SYNE1: variants seen among roughly 807,000 people sequenced by gnomAD.
SYNE1 encodes the protein spectrin repeat containing nuclear envelope protein 1, also known as nesprin-1.
SYNE1 carries 616 observed loss-of-function variants against 1,111.0 expected under a neutral mutation model. That is an observed-to-expected ratio of 0.55 (90% CI 0.52 to 0.59). The LOEUF (loss-of-function observed/expected upper bound fraction) is 0.59. Among genes scored for constraint, SYNE1 ranks in the 20% least tolerant of loss-of-function variants. SYNE1 has a pLI of 0.00. For synonymous variants in SYNE1, 3,855 were observed against 3,825.8 expected (o/e 1.01, Z -0.28); for missense variants, 10,006 against 10,417.0 (o/e 0.96, Z 1.72).
At chr6:152,300,556 C>A in intron 93 of SYNE1, 85 bp downstream of exon 93, 1 of 1,591,120 alleles carries the variant, frequency 6.3e-7, no homozygotes, top group Non-Finnish European at 8.6e-7. Flanking sequence ...GTCTGAGATT[C>A]ATACCCACGA....
At chr6:152,387,418 T>TG in intron 53 of SYNE1, 37 bp from the exon 54 acceptor site, 5 of 1,600,626 alleles carry the variant, frequency 3.1e-6, no homozygotes, top group Non-Finnish European at 4.3e-6. Flanking sequence ...AAATGAATTA[T>TG]TTTGACATCT....
intron 34 of SYNE1, among the ~76,000 whole-genome samples, chr6:152,430,993 C>T (rs1183360002): frequency 6.6e-6 from 1 of 152,122 alleles, no homozygotes; most frequent in Non-Finnish European, 1.5e-5. Flanking sequence ...CCCTGGGACA[C>T]TTACAGTATC....
intron 133 of SYNE1, among the ~76,000 whole-genome samples, chr6:152,154,163 TAGGTC>T (rs2060928915): frequency 6.6e-6 from 1 of 152,146 alleles, no homozygotes; most frequent in East Asian, 1.9e-4. Context: ...AATTTTGGGC[TAGGTC>T]AGGTCTTCCA....
chr6:152,570,729 C>G (rs2099448792), intron 3 of SYNE1, among the ~76,000 whole-genome samples: 3 of 152,084 alleles, frequency 2.0e-5, no homozygotes, highest in African/African-American at 7.2e-5. Context: ...CAATGGTATC[C>G]CCTTCCTTCT....
Position 152,219,723 on chromosome 6 carries a change from C to T in SYNE1, c.21862-538G>A, listed in dbSNP as rs543167417. Reference sequence around the variant, plus strand: ...CCTCCTATCTCAGTAGGGTACAGAACACAGTGATGATTTTGGTGAGCAGGG... The same window carrying T: ...CCTCCTATCTCAGTAGGGTACAGAATACAGTGATGATTTTGGTGAGCAGGG... On this transcript the variant is annotated intron_variant, in intron 119 of 145. Coordinates refer to ENST00000367255, the MANE Select transcript of SYNE1 (RefSeq NM_182961.4). Among the ~76,000 whole-genome samples, 220 of 152,318 alleles carry T rather than the reference C, an allele frequency of 1.4e-3. 1 individual carries two copies. The highest frequency in any genetic ancestry group is 5.1e-3 in the African/African-American group (214 of 41,574).
intron 11 of SYNE1, among the ~76,000 whole-genome samples, chr6:152,493,996 T>C (rs1294990842): frequency 6.6e-6 from 1 of 152,140 alleles, no homozygotes; most frequent in Non-Finnish European, 1.5e-5. Flanking sequence ...ACCCTTTTCA[T>C]TACACGCAGC....
intron 3 of SYNE1, among the ~76,000 whole-genome samples, chr6:152,561,379 T>A (rs1051562273): frequency 2.6e-5 from 4 of 151,860 alleles, no homozygotes; most frequent in Non-Finnish European, 5.9e-5. Flanking sequence ...ACCAAGGAGA[T>A]AAAAGATCTG....
Position 152,409,678 on chromosome 6 carries a change from T to C in SYNE1, c.6262A>G (p.Met2088Val). 6.2e-7 allele frequency: 1 copy of C among 1,613,836 alleles called. No individual in the cohort carries two copies. The highest frequency in any genetic ancestry group is 8.5e-7 in the Non-Finnish European group (1 of 1,179,954). ...QGQCCGLIDL[M>V]REYQNLKSAV... ...GATTTCAGGTTCTGATATTCTCTCATTAAGTCAATAAGTCCACAGCACTGA... is the reference window on the plus strand; with the variant it reads ...GATTTCAGGTTCTGATATTCTCTCACTAAGTCAATAAGTCCACAGCACTGA... The change falls in exon 43 of 146, where the codon ATG becomes GTG. Residue 2088 changes from methionine to valine, a missense_variant. Physicochemically the swap from Met to Val is conservative, Grantham distance 21. This residue lies in a region of SYNE1 where 4,955 missense variants were observed against 5,017.2 expected (regional missense o/e 0.99). Coordinates refer to ENST00000367255, the MANE Select transcript of SYNE1 (RefSeq NM_182961.4).
intron 51 of SYNE1, among the ~76,000 whole-genome samples, chr6:152,393,968 C>T (rs2097689850): frequency 6.6e-6 from 1 of 152,166 alleles, no homozygotes; most frequent in Admixed American, 6.5e-5. Context: ...TAATGCTATC[C>T]TTCCCCTAAG....
At chr6:152,139,388 C>G (rs2057860709) in intron 140 of SYNE1, among the ~76,000 whole-genome samples, 1 of 151,318 alleles carries the variant, frequency 6.6e-6, no homozygotes, top group Non-Finnish European at 1.5e-5. Flanking sequence ...CTGGGCAACA[C>G]GGCAAAACCC....
chr6:152,605,776 T>A (rs1021778039), intron 3 of SYNE1, among the ~76,000 whole-genome samples: 11 of 152,222 alleles, frequency 7.2e-5, no homozygotes, highest in Non-Finnish European at 1.6e-4. Context: ...TTTAAAGGTA[T>A]TTTTATAGCT....
intron 130 of SYNE1, chr6:152,168,111 GC>G (rs2064119591): frequency 2.6e-6 from 2 of 780,366 alleles, no homozygotes; most frequent in Admixed American, 3.4e-5. Context: ...GAAGATGCCT[GC>G]CTTGTGACAT....
chr6:152,331,363 A>T lies in SYNE1; in HGVS notation c.13322T>A (p.Val4441Glu). The T allele has an allele frequency of 1.9e-6, 3 of 1,614,214 alleles. No individual in the cohort carries two copies. The highest frequency in any genetic ancestry group is 2.5e-6 in the Non-Finnish European group (3 of 1,180,040). The change falls in exon 78 of 146, where the codon GTG (valine) becomes GAG (glutamate). Residue 4441 changes from valine (V) to glutamate (E), a missense_variant. Physicochemically the swap from Val to Glu is moderately radical, Grantham distance 121. This residue lies in a region of SYNE1 where 4,955 missense variants were observed against 5,017.2 expected (regional missense o/e 0.99). Coordinates refer to ENST00000367255, the MANE Select transcript of SYNE1 (RefSeq NM_182961.4). ...GTTTAAGTACTTTCTTCGCTGGCCC[A>T]CTAAGTCACTGAGACAATTCACGTG... The part of the protein sequence containing the change: ...QSHVNCLSDL[V>E]GQRRKYLNKA...
intron 20 of SYNE1, chr6:152,462,462 A>C (rs1221356535): frequency 3.5e-6 from 2 of 574,206 alleles, no homozygotes; most frequent in African/African-American, 3.8e-5. Flanking sequence ...TGCTATCTAT[A>C]GATGTCTCCT....
chr6:152,472,585 G>A (rs2098812935), intron 14 of SYNE1, 172 bp from the exon 15 acceptor site: 1 of 710,958 alleles, frequency 1.4e-6, no homozygotes, highest in African/African-American at 1.7e-5. Context: ...AATAGGAGCT[G>A]GGTGCTTGTA....
At chr6:152,524,662 G>A (rs1480678045) in intron 5 of SYNE1, among the ~76,000 whole-genome samples, 2 of 152,110 alleles carry the variant, frequency 1.3e-5, no homozygotes, top group Non-Finnish European at 2.9e-5. Context: ...GGTGCATGTA[G>A]CTTACTAGGG....
intron 123 of SYNE1, among the ~76,000 whole-genome samples, chr6:152,211,958 A>C (rs2077602161): frequency 6.6e-6 from 1 of 152,124 alleles, no homozygotes; most frequent in South Asian, 2.1e-4. Context: ...CCGTTAAAGA[A>C]GTCAAAGAAA....
chr6:152,315,971 T>C (rs988675375), intron 87 of SYNE1: 2 of 152,124 alleles, frequency 1.3e-5, no homozygotes, highest in African/African-American at 4.8e-5. Flanking sequence ...GATACATAAA[T>C]AATATAAGAG....
At chr6:152,157,262 A>G (rs1192031868) in intron 131 of SYNE1, among the ~76,000 whole-genome samples, 5 of 152,258 alleles carry the variant, frequency 3.3e-5, no homozygotes, top group Non-Finnish European at 7.3e-5. Context: ...AAATGAAATT[A>G]TGTTGTTTGC....
Sources: gnomAD v4.1 joint callset for allele counts (sites outside exome capture counted in the v4.1 genomes callset) on GRCh38, gnomAD v4.1.1 for gene constraint, gnomAD v4.1.1 regional missense constraint, MANE v1.5 for transcripts, NCBI Gene and HGNC (gene_info 2026-07-23, HGNC 2026-07-21) for gene names.